The following ABLIM1 variants were observed in gnomAD, a reference collection of about 807,000 sequenced individuals.
ABLIM1 encodes the protein actin binding LIM protein 1, also known as actin-binding LIM protein 1.
Under a neutral mutation model 107.0 loss-of-function variants are expected in ABLIM1, and 40 were observed. The ratio of observed to expected loss-of-function variants is 0.37; its 90% CI spans 0.29 to 0.49. ABLIM1 has a LOEUF of 0.49. Among genes scored for constraint, ABLIM1 ranks in the 20% least tolerant of loss-of-function variants. ABLIM1 has a pLI of 0.97. For synonymous variants in ABLIM1, 357 were observed against 357.3 expected (o/e 1.00, Z 0.01); for missense variants, 857 against 1,008.5 (o/e 0.85, Z 2.04).
chr10:114,657,923 C>T, intron 1 of ABLIM1, 34 bp downstream of exon 1: 1 of 1,563,012 alleles, frequency 6.4e-7, no homozygotes, highest in Non-Finnish European at 8.8e-7. Context: ...TCACAAAACA[C>T]AAAACCATGT....
the ABLIM1 span, among the ~76,000 whole-genome samples, chr10:114,799,994 C>T: frequency 6.6e-6 from 1 of 152,120 alleles, no homozygotes; most frequent in African/African-American, 2.4e-5. Flanking sequence ...AGGCTGGTCT[C>T]GAACCCCTGA....
intron 1 of ABLIM1, among the ~76,000 whole-genome samples, chr10:114,670,142 C>T (rs560128611): frequency 1.1e-4 from 16 of 152,246 alleles, no homozygotes; most frequent in Admixed American, 7.2e-4. Flanking sequence ...CTGAAGAACG[C>T]GGGCCAAAGG....
chr10:114,604,062 G>T (rs1466839022), intron 1 of ABLIM1, among the ~76,000 whole-genome samples: 1 of 151,518 alleles, frequency 6.6e-6, no homozygotes, highest in Admixed American at 6.6e-5. Flanking sequence ...GGTATTTATT[G>T]GCATCTACTA....
intron 1 of ABLIM1, chr10:114,632,006 G>A: frequency 7.7e-7 from 1 of 1,294,780 alleles, no homozygotes; most frequent in Non-Finnish European, 1.0e-6. Context: ...ACAGATCCGC[G>A]GGCGCTGGGG....
At chr10:114,505,133 A>G (rs1467108577) in intron 6 of ABLIM1, among the ~76,000 whole-genome samples, 1 of 152,204 alleles carries the variant, frequency 6.6e-6, no homozygotes, top group African/African-American at 2.4e-5. Flanking sequence ...GTGGTAAAAA[A>G]TATTAGCATA....
intron 1 of ABLIM1, among the ~76,000 whole-genome samples, chr10:114,671,882 A>G (rs2080270825): frequency 6.6e-6 from 1 of 151,862 alleles, no homozygotes; most frequent in Non-Finnish European, 1.5e-5. Context: ...TTTTTTTTAG[A>G]GACAGGTTCT....
In ABLIM1 at chr10:114,644,941, T is replaced by G. The variant is rs12217438; in HGVS notation, c.244+13016A>C. 4.2e-3 allele frequency among the ~76,000 whole-genome samples: 636 copies of G among 152,212 alleles called. 11 individuals are homozygous for G. In the East Asian group the frequency reaches 0.042, roughly 10 times the overall value. On this transcript the variant is annotated intron_variant, in intron 1 of 22. Coordinates refer to ENST00000533213, the MANE Select transcript of ABLIM1 (RefSeq NM_002313.7). ...CTGGAGCAGCCTGGAATTCTGTACT[T>G]CCTGAGGCCTGGCTGTCCAGCATTT...
At chr10:114,455,106 G>A (rs377194051) in intron 12 of ABLIM1, among the ~76,000 whole-genome samples, 8 of 152,156 alleles carry the variant, frequency 5.3e-5, no homozygotes, top group South Asian at 2.1e-4. Context: ...AATTGTTACC[G>A]TTTGAATATA....
chr10:114,753,956 A>C (rs1452027712), intron 1 of ABLIM1, among the ~76,000 whole-genome samples: 1 of 152,144 alleles, frequency 6.6e-6, no homozygotes, highest in Non-Finnish European at 1.5e-5. Flanking sequence ...GGTTCAAGTG[A>C]TTCTCCTGCC....
intron 2 of ABLIM1, among the ~76,000 whole-genome samples, chr10:114,585,256 T>C (rs1259466151): frequency 4.6e-5 from 7 of 152,168 alleles, no homozygotes; most frequent in Non-Finnish European, 8.8e-5. Context: ...TACTATTCCT[T>C]TCCCTTTTTT....
intron 2 of ABLIM1, among the ~76,000 whole-genome samples, chr10:114,581,388 A>G (rs1055868189): frequency 1.3e-5 from 2 of 152,044 alleles, no homozygotes. Flanking sequence ...TCACTGCAAC[A>G]CTCCATCTGC....
At chr10:114,625,102 C>T (rs1030722351) in intron 1 of ABLIM1, among the ~76,000 whole-genome samples, 8 of 152,110 alleles carry the variant, frequency 5.3e-5, no homozygotes, top group African/African-American at 1.9e-4. Flanking sequence ...TAGGAAATGA[C>T]CTTGTTGGTG....
upstream of ABLIM1, among the ~76,000 whole-genome samples, chr10:114,661,036 A>C (rs1313422022): frequency 1.3e-5 from 2 of 151,200 alleles, no homozygotes; most frequent in Non-Finnish European, 2.9e-5. Context: ...AACACTCCTA[A>C]ATTTTTTTTT....
At chr10:114,746,387 A>G (rs1458406729) in intron 1 of ABLIM1, among the ~76,000 whole-genome samples, 1 of 152,166 alleles carries the variant, frequency 6.6e-6, no homozygotes, top group African/African-American at 2.4e-5. Flanking sequence ...GTGTTCTCCA[A>G]TTCCATCCAT....
intron 2 of ABLIM1, among the ~76,000 whole-genome samples, chr10:114,588,235 A>G (rs1189152120): frequency 6.6e-6 from 1 of 152,146 alleles, no homozygotes; most frequent in African/African-American, 2.4e-5. Context: ...CCTCAGAATC[A>G]CAGGGCACAC....
intron 19 of ABLIM1, 99 bp from the exon 20 acceptor site, chr10:114,440,188 G>A (rs529433758): frequency 5.6e-5 from 70 of 1,255,614 alleles, no homozygotes; most frequent in Middle Eastern, 1.9e-4. Context: ...CAACATATTC[G>A]CCCTATAAAC....
intron 6 of ABLIM1, among the ~76,000 whole-genome samples, chr10:114,531,605 A>C (rs1043401711): frequency 2.0e-5 from 3 of 151,076 alleles, no homozygotes; most frequent in African/African-American, 7.3e-5. Context: ...GCAACCTCCA[A>C]CTCCCTGGTT....
At chr10:114,781,664 GTATATATA>G in the ABLIM1 span, among the ~76,000 whole-genome samples, 1,063 of 143,352 alleles carry the variant, frequency 7.4e-3, 18 homozygotes, top group African/African-American at 0.026. Flanking sequence ...ATATATGCGT[GTATATATA>G]TATATATATA....
At chr10:114,592,723 T>C (rs2075026324) in intron 2 of ABLIM1, among the ~76,000 whole-genome samples, 1 of 152,024 alleles carries the variant, frequency 6.6e-6, no homozygotes, top group South Asian at 2.1e-4. Flanking sequence ...ACTATGAAGA[T>C]GGGGCCATCA....
Sources: allele counts gnomAD v4.1 joint callset (sites outside exome capture counted in the v4.1 genomes callset), GRCh38; gene constraint gnomAD v4.1.1; transcripts MANE v1.5; gene names NCBI Gene and HGNC (gene_info 2026-07-23, HGNC 2026-07-21).